The following SNX29 variants were observed in gnomAD, a reference collection of about 807,000 sequenced individuals.
The protein encoded by SNX29 is sorting nexin-29.
Under a neutral mutation model 102.1 loss-of-function variants are expected in SNX29, and 78 were observed. The ratio of observed to expected loss-of-function variants is 0.76; its 90% CI spans 0.64 to 0.92. The LOEUF is 0.92. SNX29 is among the 40% of genes least tolerant of loss of function. SNX29 has a pLI of 0.00. For missense variants in SNX29, 1,280 were observed against 1,061.7 expected (o/e 1.21, Z -2.86); for synonymous variants, 580 against 414.5 (o/e 1.40, Z -4.85).
intron 19 of SNX29, among the ~76,000 whole-genome samples, chr16:12,520,228 C>T (rs898449181): frequency 6.6e-6 from 1 of 152,176 alleles, no homozygotes; most frequent in Non-Finnish European, 1.5e-5. Context: ...CCACCTGCCC[C>T]TGCACCCAGG....
intron 15 of SNX29, among the ~76,000 whole-genome samples, chr16:12,307,987 CTG>C (rs1567421259): frequency 6.6e-6 from 1 of 152,198 alleles, no homozygotes. Flanking sequence ...AGACAGAGTG[CTG>C]TGTTAGCCAC....
At chr16:12,239,560 G>A (rs1414121156) in intron 14 of SNX29, among the ~76,000 whole-genome samples, 1 of 148,750 alleles carries the variant, frequency 6.7e-6, no homozygotes, top group African/African-American at 2.5e-5. Flanking sequence ...GGGCATGGTG[G>A]CTCACTCCTG....
intron 14 of SNX29, among the ~76,000 whole-genome samples, chr16:12,227,886 C>T (rs535999086): frequency 5.2e-5 from 6 of 114,392 alleles, no homozygotes; most frequent in Admixed American, 2.7e-4. Flanking sequence ...GGCAACAGAG[C>T]GAGACTCTGT....
chr16:12,111,066 C>G (rs981128934), intron 11 of SNX29, among the ~76,000 whole-genome samples: 5 of 152,140 alleles, frequency 3.3e-5, no homozygotes, highest in African/African-American at 7.2e-5. Flanking sequence ...CCCACCTTGG[C>G]TTCTCAAAGT....
chr16:12,561,676 C>T (rs2078731969), intron 20 of SNX29, among the ~76,000 whole-genome samples: 1 of 151,898 alleles, frequency 6.6e-6, no homozygotes, highest in Non-Finnish European at 1.5e-5. Flanking sequence ...GGTGCCCTCA[C>T]ACACAGACCC....
chr16:12,125,648 A>C (rs1225651121), intron 11 of SNX29, among the ~76,000 whole-genome samples: 2 of 92,734 alleles, frequency 2.2e-5, no homozygotes, highest in African/African-American at 8.2e-5. Context: ...TTTTGAGATG[A>C]GGTCTCACTA....
At chr16:12,154,170 C>G (rs545205674) in intron 13 of SNX29, among the ~76,000 whole-genome samples, 2 of 152,176 alleles carry the variant, frequency 1.3e-5, no homozygotes, top group South Asian at 2.1e-4. Context: ...TTTTCCCTTT[C>G]TTCCTTAAGG....
chr16:12,206,529 C>T (rs2077048137), intron 14 of SNX29, among the ~76,000 whole-genome samples: 1 of 152,098 alleles, frequency 6.6e-6, no homozygotes, highest in Non-Finnish European at 1.5e-5. Context: ...CAGTTAGCTC[C>T]CATGAGTCAG....
chr16:12,348,397 C>T (rs578114986), intron 15 of SNX29, among the ~76,000 whole-genome samples: 6 of 152,332 alleles, frequency 3.9e-5, no homozygotes, highest in African/African-American at 1.4e-4. Flanking sequence ...GAGGTTCTTA[C>T]TTACTCTAGG....
intron 14 of SNX29, among the ~76,000 whole-genome samples, chr16:12,231,538 A>T (rs1201941525): frequency 1.9e-5 from 1 of 51,558 alleles, no homozygotes; most frequent in Non-Finnish European, 8.1e-5. Context: ...TTTTTAAAAA[A>T]AAAACAAAAA....
chr16:12,089,433 T>G (rs971674048), intron 11 of SNX29, among the ~76,000 whole-genome samples: 1 of 152,086 alleles, frequency 6.6e-6, no homozygotes, highest in African/African-American at 2.4e-5. Context: ...CTACTCTTGG[T>G]TTATATACTG....
intron 9 of SNX29, among the ~76,000 whole-genome samples, chr16:12,064,315 C>G (rs957859249): frequency 8.5e-5 from 13 of 152,186 alleles, no homozygotes; most frequent in African/African-American, 2.7e-4. Flanking sequence ...AGAGCTCTTC[C>G]TGCTCTTCTG....
At chr16:12,561,245 C>G (rs554907802) in intron 20 of SNX29, 1 of 230,112 alleles carries the variant, frequency 4.3e-6, no homozygotes, top group Non-Finnish European at 8.6e-6. Context: ...CAAGGCCACT[C>G]CCTCCCACTC....
In SNX29 at chr16:12,430,141, A is replaced by G. The variant is rs980624466; in HGVS notation, c.2037+26612A>G. 3.3e-5 allele frequency among the ~76,000 whole-genome samples: 5 copies of G among 152,362 alleles called. No individual in the cohort carries two copies. In the South Asian group the frequency reaches 1.0e-3, roughly 32 times the overall value. On this transcript the variant is annotated intron_variant, in intron 18 of 20. Coordinates refer to ENST00000566228, the MANE Select transcript of SNX29 (RefSeq NM_032167.5). ...GGATCTAGGTTTCATGCTCCTTATG[A>G]GAATCTAATGCCCAAAGATCTGAGG...
At chr16:12,056,124 C>T (rs1033822921) in intron 8 of SNX29, among the ~76,000 whole-genome samples, 4 of 152,328 alleles carry the variant, frequency 2.6e-5, no homozygotes, top group South Asian at 2.1e-4. Flanking sequence ...TCAAGTGATC[C>T]ACCTGCTTCA....
intron 15 of SNX29, among the ~76,000 whole-genome samples, chr16:12,321,168 A>G (rs987732250): frequency 1.3e-5 from 2 of 151,770 alleles, no homozygotes; most frequent in African/African-American, 2.4e-5. Context: ...CTCTGTTCCT[A>G]CCACATCCCA....
At chr16:12,458,941 AT>A (rs1346874628) in intron 18 of SNX29, among the ~76,000 whole-genome samples, 2 of 152,074 alleles carry the variant, frequency 1.3e-5, no homozygotes, top group Non-Finnish European at 1.5e-5. Context: ...AAACAAAACA[AT>A]TTTTTGCCTT....
rs538597579 is a variant in SNX29 at position 12,023,393 on chromosome 16, G to A, written c.123-3927G>A. Among the ~76,000 whole-genome samples the A allele has an allele frequency of 2.4e-3, 314 of 128,848 alleles. 1 individual carries two copies. Among genetic ancestry groups the A allele is most frequent in the Admixed American group, 9.4e-3 (112 of 11,896 alleles). The allele number at this position is 128,848 out of a possible 152,430, so 84.5% of individuals were successfully genotyped here. On this transcript the variant is annotated intron_variant, in intron 3 of 20. Transcript: ENST00000566228. ...GGAACCCCCCAGCCCTCTCAACAAA[G>A]TGAGACTCTGTCTCAAAAAAAAAAA... is the stretch of plus-strand genomic sequence containing the variant.
intron 14 of SNX29, among the ~76,000 whole-genome samples, chr16:12,210,314 C>T (rs747677644): frequency 6.0e-5 from 8 of 134,132 alleles, no homozygotes; most frequent in East Asian, 4.5e-4. Flanking sequence ...GGGACTCAGA[C>T]GTTCCCTCCA....
Sources: gnomAD v4.1 joint callset for allele counts (sites outside exome capture counted in the v4.1 genomes callset) on GRCh38, gnomAD v4.1.1 for gene constraint, MANE v1.5 for transcripts, NCBI Gene and HGNC (gene_info 2026-07-23, HGNC 2026-07-21) for gene names.